SCARA3: variants seen among roughly 807,000 people sequenced by gnomAD.
SCARA3 encodes the protein scavenger receptor class A member 3, also known as cellular stress response gene protein.
In SCARA3, 39 loss-of-function variants were observed where a neutral mutation model predicts 47.0. The ratio of observed to expected loss-of-function variants is 0.83; its 90% confidence interval spans 0.64 to 1.08. The LOEUF is 1.08. Ranked by LOEUF, SCARA3 falls within the 50% of genes least tolerant of loss-of-function variation. The probability of loss-of-function intolerance (pLI) is 0.00; values close to 1 mark genes in which losing one functional copy is unlikely to be tolerated. For missense variants in SCARA3, 724 were observed against 792.3 expected (o/e 0.91, Z 1.04); for synonymous variants, 356 against 334.1 (o/e 1.07, Z -0.71).
intron 5 of SCARA3, among the ~76,000 whole-genome samples, chr8:27,665,395 C>A (rs1170714531): frequency 6.6e-6 from 1 of 152,240 alleles, no homozygotes; most frequent in Admixed American, 6.5e-5. Context: ...TCTCTTCCTA[C>A]TCTGCAGGGT....
Position 27,672,503 on chromosome 8 carries a change from G to A in SCARA3, c.*1152G>A, listed in dbSNP as rs1802190766. 3.0e-6 allele frequency: 3 copies of A among 985,648 alleles called. No homozygotes were observed. The highest frequency in any genetic ancestry group is 3.6e-6 in the Non-Finnish European group (3 of 830,100). The allele number at this position is 985,648 out of a possible 1,614,324, so 61.1% of individuals were successfully genotyped here. ...AGAAGGGCCAACCCCTTGCAACAGG[G>A]CAGCTCTCGCCTCCCGCACACGGCT... On this transcript the variant is annotated 3_prime_UTR_variant, in exon 6 of 6. Coordinates refer to ENST00000301904, the MANE Select transcript of SCARA3 (RefSeq NM_016240.3).
Position 27,671,388 on chromosome 8 carries a change from C to T in SCARA3, c.*37C>T, listed in dbSNP as rs564849824. The T allele has an allele frequency of 2.7e-5, 37 of 1,385,936 alleles. No individual in the cohort carries two copies. The highest frequency in any genetic ancestry group is 1.9e-4 in the South Asian group (11 of 58,334). 85.9% of individuals were successfully genotyped at this position (1,385,936 alleles called of 1,614,324 possible). On this transcript the variant is annotated 3_prime_UTR_variant, in exon 6 of 6. Coordinates refer to ENST00000301904, the MANE Select transcript of SCARA3 (RefSeq NM_016240.3). ...GCAGAGCCACTGTCACACAGAATGC[C>T]GGAGGGGCGCAGAGCAGATCCAGGC... is the stretch of plus-strand genomic sequence containing the variant.
At chr8:27,694,360 A>T in the SCARA3 span, among the ~76,000 whole-genome samples, 2 of 152,192 alleles carry the variant, frequency 1.3e-5, no homozygotes, top group African/African-American at 2.4e-5. Context: ...TCTACGGAAA[A>T]TATGCCACAT....
the SCARA3 span, among the ~76,000 whole-genome samples, chr8:27,698,052 A>G: frequency 1.3e-5 from 2 of 152,274 alleles, no homozygotes; most frequent in South Asian, 4.1e-4. Flanking sequence ...TGTTAACAAC[A>G]AAATTTTATA....
the SCARA3 span, chr8:27,701,740 A>G: frequency 3.3e-5 from 5 of 150,298 alleles, no homozygotes; most frequent in Admixed American, 6.7e-5. Context: ...CTGACCTCCC[A>G]TGCCTGTGCA....
At chr8:27,726,066 G>T in the SCARA3 span, among the ~76,000 whole-genome samples, 1 of 152,142 alleles carries the variant, frequency 6.6e-6, no homozygotes, top group Non-Finnish European at 1.5e-5. Flanking sequence ...TCACAGTTAG[G>T]TCAGCTAAGA....
intron 1 of SCARA3, 58 bp from the exon 2 acceptor site, chr8:27,649,644 G>A (rs1801587029): frequency 6.6e-7 from 1 of 1,512,436 alleles, no homozygotes; most frequent in East Asian, 2.3e-5. Context: ...GTAAATAAAA[G>A]GGGCTGCTGG....
At chr8:27,653,362 C>T (rs1476318169) in intron 3 of SCARA3, among the ~76,000 whole-genome samples, 1 of 152,150 alleles carries the variant, frequency 6.6e-6, no homozygotes. Flanking sequence ...AGGATTTGCA[C>T]CAAGATCCAG....
At chr8:27,699,254 TA>T in the SCARA3 span, among the ~76,000 whole-genome samples, 356 of 138,922 alleles carry the variant, frequency 2.6e-3, no homozygotes, top group Middle Eastern at 0.011. Flanking sequence ...AAATAAAAAT[TA>T]AAAAAAAAAA....
rs377722408 is a variant in SCARA3, at chr8:27,651,662, G to T, written c.226+35G>T. On this transcript the variant is annotated intron_variant, in intron 3 of 5. Transcript: ENST00000301904. Reference sequence around the variant, plus strand: ...GGGCTTTCCCACCCCGGGCTGCAGGGGGGTGTCTGATCAGGGATCCAGCAC... The same window carrying T: ...GGGCTTTCCCACCCCGGGCTGCAGGTGGGTGTCTGATCAGGGATCCAGCAC... 54 of 1,610,032 alleles carry T rather than the reference G, an allele frequency of 3.4e-5. No homozygotes were observed. The African/African-American group carries it at 5.7e-4, about 17-fold the overall frequency.
chr8:27,651,567 C>A lies in SCARA3; in HGVS notation c.166C>A (p.Arg56=). The change falls in exon 3 of 6, where the codon CGG becomes AGG. Residue 56 remains arginine, a synonymous_variant. Coordinates refer to ENST00000301904, the MANE Select transcript of SCARA3 (RefSeq NM_016240.3). ...QKNLSLHTSV[R]ILYLFLALLL... is the part of the protein sequence containing the mutation. ...GAACCTATCTTTGCACACATCGGTG[C>A]GGATTCTTTACCTCTTCCTGGCCCT... 1 of 1,614,112 alleles carries A rather than the reference C, an allele frequency of 6.2e-7. No individual in the cohort carries two copies. Among genetic ancestry groups the A allele is most frequent in the South Asian group, 1.1e-5 (1 of 91,082 alleles).
intron 1 of SCARA3, among the ~76,000 whole-genome samples, chr8:27,644,896 G>A (rs2128916272): frequency 6.6e-6 from 1 of 152,228 alleles, no homozygotes; most frequent in South Asian, 2.1e-4. Flanking sequence ...GTATTGAAAA[G>A]CAATTAACTG....
intron 5 of SCARA3, among the ~76,000 whole-genome samples, chr8:27,662,639 A>G (rs1299573451): frequency 6.6e-6 from 1 of 152,212 alleles, no homozygotes; most frequent in Admixed American, 6.5e-5. Flanking sequence ...GAAATGATCC[A>G]GTGTAATCAA....
At chr8:27,720,684 T>C in the SCARA3 span, among the ~76,000 whole-genome samples, 4 of 143,018 alleles carry the variant, frequency 2.8e-5, no homozygotes, top group South Asian at 4.6e-4. Flanking sequence ...ATCCATCCAT[T>C]CATCCACCCA....
Position 27,662,946 on chromosome 8 carries a change from C to G in SCARA3, c.1369+3407C>G, listed in dbSNP as rs142176957. Among the ~76,000 whole-genome samples, 149 of 152,304 alleles carry G rather than the reference C, an allele frequency of 9.8e-4. 1 individual carries two copies. Among genetic ancestry groups the G allele is most frequent in the African/African-American group, 3.2e-3 (134 of 41,564 alleles). On this transcript the variant is annotated intron_variant, in intron 5 of 5. Transcript: ENST00000301904. ...TTAAATCCTCCCCTGCTGGGGTCAC[C>G]CTTTGGTGAGGATTCACATAGGATG...
chr8:27,695,129 T>C, the SCARA3 span, among the ~76,000 whole-genome samples: 4 of 152,206 alleles, frequency 2.6e-5, no homozygotes, highest in Non-Finnish European at 5.9e-5. Context: ...ATTAACACCT[T>C]GTTAATATCT....
At chr8:27,674,700 T>C (rs1327740492), downstream of SCARA3, among the ~76,000 whole-genome samples, 1 of 149,442 alleles carries the variant, frequency 6.7e-6, no homozygotes, top group Non-Finnish European at 1.5e-5. Flanking sequence ...CTGAAGTCAC[T>C]CCTGGGCCTC....
rs2128913817 is a variant in SCARA3 at position 27,636,716 on chromosome 8, C to T, written c.7+2509C>T. Among the ~76,000 whole-genome samples, 3 of 152,292 alleles carry T rather than the reference C, an allele frequency of 2.0e-5. No homozygotes were observed. The South Asian group carries it at 6.2e-4, about 32-fold the overall frequency. On this transcript the variant is annotated intron_variant, in intron 1 of 5. Coordinates refer to ENST00000301904, the MANE Select transcript of SCARA3 (RefSeq NM_016240.3). The stretch of plus-strand genomic sequence containing the variant: ...AGGGCGGCGCTGGTGTGTTTTTCCT[C>T]CAGCCTCCGGAAACCCCTCAGTGAT...
the SCARA3 span, among the ~76,000 whole-genome samples, chr8:27,706,428 C>T: frequency 6.6e-6 from 1 of 152,158 alleles, no homozygotes; most frequent in Admixed American, 6.5e-5. Context: ...GCTGGGATTA[C>T]AGGCATGAGC....
Sources: gnomAD v4.1 joint callset for allele counts (sites outside exome capture counted in the v4.1 genomes callset) on GRCh38, gnomAD v4.1.1 for gene constraint, MANE v1.5 for transcripts, NCBI Gene and HGNC (gene_info 2026-07-23, HGNC 2026-07-21) for gene names.